Variants in SH3RF1 observed in about 807,000 individuals in gnomAD.
SH3RF1 encodes the protein E3 ubiquitin-protein ligase SH3RF1.
In SH3RF1, 32 loss-of-function variants were observed where a neutral mutation model predicts 74.0. That is an observed-to-expected ratio of 0.43 (90% CI 0.33 to 0.58). The LOEUF is 0.58. Among genes scored for constraint, SH3RF1 ranks in the 20% least tolerant of loss-of-function variants. SH3RF1 has a pLI of 0.05. For missense variants in SH3RF1, 954 were observed against 1,130.9 expected (o/e 0.84, Z 2.24); for synonymous variants, 396 against 439.6 (o/e 0.90, Z 1.24).
intron 2 of SH3RF1, among the ~76,000 whole-genome samples, chr4:169,191,454 A>G (rs1734707802): frequency 6.6e-6 from 1 of 152,196 alleles, no homozygotes; most frequent in Non-Finnish European, 1.5e-5. Context: ...AATATTGTGA[A>G]AATGACCATA....
intron 2 of SH3RF1, among the ~76,000 whole-genome samples, chr4:169,216,283 G>C (rs7681923): frequency 1.3e-5 from 2 of 151,896 alleles, no homozygotes; most frequent in African/African-American, 4.8e-5. Flanking sequence ...AAAAAGCTTC[G>C]AAAAAATTGG....
At position 169,144,064 on chromosome 4, in the gene SH3RF1, T is replaced by C. The variant is rs554743706; in HGVS notation, c.766-7444A>G. Among the ~76,000 whole-genome samples, 5 of 152,190 alleles carry C rather than the reference T, an allele frequency of 3.3e-5. No homozygotes were observed. The South Asian group carries it at 1.0e-3, about 32-fold the overall frequency. On this transcript the variant is annotated intron_variant, in intron 4 of 11. Transcript: ENST00000284637. ...AGTAATCTTGGGTGGACCACATAAA[T>C]TCCATGGTTTTGGTTTCCCTAGCTG...
At chr4:169,181,473 G>A (rs1466796713) in intron 2 of SH3RF1, among the ~76,000 whole-genome samples, 1 of 151,870 alleles carries the variant, frequency 6.6e-6, no homozygotes, top group Middle Eastern at 3.2e-3. Context: ...ATGTTGGCCA[G>A]GATGGTCTCG....
intron 11 of SH3RF1, among the ~76,000 whole-genome samples, chr4:169,104,984 C>A (rs1171983760): frequency 2.0e-5 from 3 of 151,856 alleles, no homozygotes; most frequent in African/African-American, 7.3e-5. Context: ...CCATTTTTCC[C>A]AGTTTATTTT....
At chr4:169,164,367 A>G (rs771964221) in intron 2 of SH3RF1, among the ~76,000 whole-genome samples, 6 of 152,224 alleles carry the variant, frequency 3.9e-5, no homozygotes, top group Non-Finnish European at 7.3e-5. Context: ...GCAACTAAAA[A>G]GATGATTCTA....
chr4:169,257,223 G>A (rs2110753934), intron 2 of SH3RF1, among the ~76,000 whole-genome samples: 1 of 152,248 alleles, frequency 6.6e-6, no homozygotes, highest in Admixed American at 6.5e-5. Flanking sequence ...ACACAAAAAA[G>A]GAACATTCAG....
chr4:169,158,386 C>T (rs1223207593), intron 2 of SH3RF1, among the ~76,000 whole-genome samples: 1 of 152,076 alleles, frequency 6.6e-6, no homozygotes, highest in South Asian at 2.1e-4. Context: ...ACATGTGCAG[C>T]GGGACTGGGG....
rs1046823824 is a variant in SH3RF1 at position 169,122,241 on chromosome 4, G to A, written c.1205C>T (p.Pro402Leu). Reference protein sequence around the residue: ...LGTLNPPLPPPPLLAATVLAS... With the variant: ...LGTLNPPLPPLPLLAATVLAS... Reference sequence around the variant, plus strand: ...AAGGACAGTGGCAGCCAGGAGAGGGGGTGGTGGAAGAGGAGGATTCAAAGT... The same window carrying A: ...AAGGACAGTGGCAGCCAGGAGAGGGAGTGGTGGAAGAGGAGGATTCAAAGT... Residue 402 changes from proline to leucine, a missense_variant, in exon 7 of 12, where the codon CCC becomes CTC. Physicochemically the swap from Pro to Leu is moderately conservative, Grantham distance 98. Coordinates refer to ENST00000284637, the MANE Select transcript of SH3RF1 (RefSeq NM_020870.4). 2.5e-6 allele frequency: 4 copies of A among 1,606,336 alleles called. No individual in the cohort carries two copies. The African/African-American group carries it at 5.3e-5, about 21-fold the overall frequency.
chr4:169,209,288 G>GAA (rs767430368), intron 2 of SH3RF1, among the ~76,000 whole-genome samples: 1 of 130,312 alleles, frequency 7.7e-6, no homozygotes, highest in Non-Finnish European at 1.7e-5. Flanking sequence ...GACCCTGTCC[G>GAA]AAAAAAAAAA....
At chr4:169,165,897 A>C (rs28667011) in intron 2 of SH3RF1, among the ~76,000 whole-genome samples, 10,444 of 152,242 alleles carry the variant, frequency 0.069, 621 homozygotes, top group African/African-American at 0.16. Context: ...AACAATTAGA[A>C]GCCCATGGGG....
At chr4:169,159,550 G>A (rs978349347) in intron 2 of SH3RF1, among the ~76,000 whole-genome samples, 3 of 152,178 alleles carry the variant, frequency 2.0e-5, no homozygotes, top group Admixed American at 2.0e-4. Flanking sequence ...GTGATTTGGG[G>A]CAGGTTAACT....
At chr4:169,173,738 C>T (rs1476313105) in intron 2 of SH3RF1, among the ~76,000 whole-genome samples, 1 of 151,998 alleles carries the variant, frequency 6.6e-6, no homozygotes, top group African/African-American at 2.4e-5. Context: ...CACTATCTAA[C>T]CATTTACAAG....
At chr4:169,220,810 G>A (rs959760500) in intron 2 of SH3RF1, among the ~76,000 whole-genome samples, 5 of 152,144 alleles carry the variant, frequency 3.3e-5, no homozygotes, top group African/African-American at 7.2e-5. Flanking sequence ...AATGCAATCC[G>A]GAGTAAAAAT....
intron 1 of SH3RF1, chr4:169,269,566 A>C: frequency 1.0e-5 from 2 of 192,888 alleles, no homozygotes. Context: ...AGTATTACAT[A>C]ATTCCCGCAG....
rs78260306 is a variant in SH3RF1, at chr4:169,169,952, C to T, written c.394-13273G>A. Among the ~76,000 whole-genome samples the T allele has an allele frequency of 7.0e-3, 1,062 of 152,132 alleles. 5 individuals carry two copies. Among genetic ancestry groups the T allele is most frequent in the Non-Finnish European group, 0.012 (797 of 68,004 alleles). On this transcript the variant is annotated intron_variant, in intron 2 of 11. Transcript: ENST00000284637. ...CTAGAAGATCCTAATTGCCTTTATGCTCTAATTTCTCCATTATTCGACTGT... is the reference window on the plus strand; with the variant it reads ...CTAGAAGATCCTAATTGCCTTTATGTTCTAATTTCTCCATTATTCGACTGT...
At chr4:169,210,931 T>C (rs1004081672) in intron 2 of SH3RF1, among the ~76,000 whole-genome samples, 8 of 152,240 alleles carry the variant, frequency 5.3e-5, no homozygotes, top group African/African-American at 1.9e-4. Flanking sequence ...AATTGTTCTT[T>C]ACACAATTTA....
chr4:169,130,212 T>A, intron 5 of SH3RF1, 56 bp from the exon 6 acceptor site: 1 of 1,207,662 alleles, frequency 8.3e-7, no homozygotes, highest in South Asian at 1.8e-5. Context: ...CAACAGAATA[T>A]ACTGGCTAAA....
intron 2 of SH3RF1, among the ~76,000 whole-genome samples, chr4:169,240,481 G>T (rs1416416000): frequency 6.6e-6 from 1 of 152,090 alleles, no homozygotes; most frequent in East Asian, 1.9e-4. Context: ...TACAGAGCGT[G>T]AGCCCTTGCA....
intron 10 of SH3RF1, among the ~76,000 whole-genome samples, chr4:169,111,234 G>A (rs767377121): frequency 1.7e-4 from 26 of 149,596 alleles, no homozygotes; most frequent in Non-Finnish European, 3.3e-4. Flanking sequence ...CCAGGAGGTA[G>A]AGGCTGCAGT....
Sources: allele counts gnomAD v4.1 joint callset (sites outside exome capture counted in the v4.1 genomes callset), GRCh38; gene constraint gnomAD v4.1.1; transcripts MANE v1.5; gene names NCBI Gene and HGNC (gene_info 2026-07-23, HGNC 2026-07-21).